Variants in RPRD1B observed in about 807,000 individuals in gnomAD.
RPRD1B encodes the protein regulation of nuclear pre-mRNA domain-containing protein 1B.
A neutral mutation model predicts 41.5 loss-of-function variants in RPRD1B; 11 were observed. The ratio of observed to expected loss-of-function variants is 0.27; its 90% CI spans 0.17 to 0.44. RPRD1B has a LOEUF of 0.44. Among genes scored for constraint, RPRD1B ranks in the 20% least tolerant of loss-of-function variants. The pLI, the probability that RPRD1B is intolerant of heterozygous loss-of-function variation, is 1.00. For synonymous variants in RPRD1B, 158 were observed against 155.6 expected (o/e 1.02, Z -0.12); for missense variants, 248 against 389.9 (o/e 0.64, Z 3.06).
chr20:38,085,464 A>G (rs554936350), intron 6 of RPRD1B: 93 of 152,372 alleles, frequency 6.1e-4, no homozygotes, highest in Middle Eastern at 3.4e-3. Context: ...TTGGTGTACT[A>G]AAGAGATTAT....
chr20:38,044,090 G>A lies in RPRD1B; in HGVS notation c.281+3526G>A, dbSNP rs183801172. Among the ~76,000 whole-genome samples the A allele has an allele frequency of 4.9e-3, 740 of 152,306 alleles. 4 individuals carry two copies. The highest frequency in any genetic ancestry group is 7.7e-3 in the Non-Finnish European group (526 of 68,032). The stretch of plus-strand genomic sequence containing the variant: ...ATCATGTAGTCATAGTCATGGCAGT[G>A]ATTCATTACAGCTAAAGGATCCAAA... On this transcript the variant is annotated intron_variant, in intron 2 of 6. Transcript: ENST00000373433.
intron 4 of RPRD1B, 135 bp downstream of exon 4, chr20:38,057,779 A>C (rs2074259327): frequency 3.3e-6 from 2 of 599,246 alleles, no homozygotes; most frequent in African/African-American, 3.7e-5. Flanking sequence ...CCCGTGCATC[A>C]TCCTGCCCAA....
At chr20:38,078,938 TG>T (rs2074489172) in intron 6 of RPRD1B, among the ~76,000 whole-genome samples, 2 of 152,266 alleles carry the variant, frequency 1.3e-5, no homozygotes, top group Non-Finnish European at 2.9e-5. Context: ...AAATGGTTTC[TG>T]GGAGAAAGGA....
rs574346558 is a variant in RPRD1B, at chr20:38,048,873, G to C, written c.415+392G>C. 1.1e-3 allele frequency among the ~76,000 whole-genome samples: 175 copies of C among 152,284 alleles called. 2 individuals carry two copies. The highest frequency in any genetic ancestry group is 2.7e-3 in the East Asian group (14 of 5,186). ...TTGGATAAGTTTCTTAGCTTTTTAA[G>C]AACTTGATTTAATTAAATGTAGATG... On this transcript the variant is annotated intron_variant, in intron 3 of 6. Transcript: ENST00000373433.
chr20:38,056,013 ATAG>A (rs2074236505), intron 3 of RPRD1B, among the ~76,000 whole-genome samples: 1 of 152,200 alleles, frequency 6.6e-6, no homozygotes, highest in Non-Finnish European at 1.5e-5. Flanking sequence ...TCTGTGTATA[ATAG>A]TATGCGCAAA....
rs765729180 is a variant in RPRD1B at position 38,040,424 on chromosome 20, C to T, written c.152-11C>T. On this transcript the variant is annotated splice_polypyrimidine_tract_variant and intron_variant, in intron 1 of 6. Transcript: ENST00000373433. ...GGTGTAAGTTAAATTCTTTTCTTTT[C>T]TTTTTTTCAGCCAAATCAAATAGAA... 6.4e-7 allele frequency: 1 copy of T among 1,572,394 alleles called. No individual in the cohort carries two copies. Among genetic ancestry groups the T allele is most frequent in the Non-Finnish European group, 8.6e-7 (1 of 1,164,598 alleles).
chr20:38,048,694 C>A, intron 3 of RPRD1B: 1 of 657,964 alleles, frequency 1.5e-6, no homozygotes, highest in Non-Finnish European at 1.9e-6. Context: ...CACACCCTGA[C>A]TTTTGCTCTC....
intron 6 of RPRD1B, among the ~76,000 whole-genome samples, chr20:38,076,746 G>GTC (rs1363526337): frequency 6.9e-6 from 1 of 145,246 alleles, no homozygotes; most frequent in Non-Finnish European, 1.5e-5. Flanking sequence ...TTTTGGCCCT[G>GTC]TCTGCAGCAT....
chr20:38,084,196 T>C (rs2074540121), intron 6 of RPRD1B, among the ~76,000 whole-genome samples: 1 of 152,122 alleles, frequency 6.6e-6, no homozygotes, highest in Non-Finnish European at 1.5e-5. Context: ...GGGCTTGGCT[T>C]TCTCAACCTC....
intron 6 of RPRD1B, among the ~76,000 whole-genome samples, chr20:38,088,478 G>C (rs2074582565): frequency 1.3e-5 from 2 of 152,230 alleles, no homozygotes; most frequent in African/African-American, 4.8e-5. Flanking sequence ...AGGGCTTCTT[G>C]TTACATTCCT....
At chr20:38,074,226 G>A (rs1046868948) in intron 6 of RPRD1B, among the ~76,000 whole-genome samples, 2 of 152,034 alleles carry the variant, frequency 1.3e-5, no homozygotes, top group South Asian at 2.1e-4. Flanking sequence ...TTGAGTTAAT[G>A]TGTGGGCTTC....
intron 2 of RPRD1B, among the ~76,000 whole-genome samples, chr20:38,041,681 T>C (rs182415588): frequency 6.6e-6 from 1 of 152,306 alleles, no homozygotes; most frequent in Non-Finnish European, 1.5e-5. Context: ...TGCTTAGAAA[T>C]TGATGGTAGC....
intron 6 of RPRD1B, among the ~76,000 whole-genome samples, chr20:38,072,156 T>C (rs1460508400): frequency 1.3e-5 from 2 of 152,212 alleles, no homozygotes; most frequent in Non-Finnish European, 2.9e-5. Flanking sequence ...ATGTCTTAAA[T>C]TTACGTTCTT....
intron 6 of RPRD1B, among the ~76,000 whole-genome samples, chr20:38,069,344 A>G (rs1187946320): frequency 3.9e-5 from 6 of 152,246 alleles, no homozygotes; most frequent in Non-Finnish European, 8.8e-5. Flanking sequence ...TTGATCGTAC[A>G]TAATGTAGAT....
chr20:38,066,056 A>G (rs540401697), intron 5 of RPRD1B, 25 bp from the exon 6 acceptor site: 2 of 1,608,124 alleles, frequency 1.2e-6, no homozygotes, highest in Non-Finnish European at 1.7e-6. Flanking sequence ...TATTTTCTCT[A>G]TTTTTTGGTC....
intron 5 of RPRD1B, 60 bp downstream of exon 5, chr20:38,059,580 A>G (rs1289332492): frequency 1.9e-6 from 3 of 1,539,908 alleles, no homozygotes; most frequent in Admixed American, 3.6e-5. Flanking sequence ...TAATGCAGTA[A>G]CCCTAGGCCA....
chr20:38,067,583 C>T (rs941825491), intron 6 of RPRD1B, among the ~76,000 whole-genome samples: 8 of 152,166 alleles, frequency 5.3e-5, no homozygotes, highest in Non-Finnish European at 1.5e-5. Context: ...CACTTTTTAC[C>T]GTATCCTTAC....
chr20:38,092,044 T>A lies in RPRD1B; in HGVS notation c.*2169T>A. ...CCTCCCAAAGTGTGCTTACTTCATT[T>A]GTTTAATTTAAATGAACTTTCCTCC... On this transcript the variant is annotated 3_prime_UTR_variant, in exon 7 of 7. Transcript: ENST00000373433. The A allele has an allele frequency of 1.0e-6, 1 of 985,874 alleles. No homozygotes were observed. The highest frequency in any genetic ancestry group is 1.2e-6 in the Non-Finnish European group (1 of 829,924). 61.1% of individuals were successfully genotyped at this position (985,874 alleles called of 1,614,324 possible). A position where few individuals can be genotyped will look rare whatever the true frequency, so the allele number is the denominator to read the frequency against.
chr20:38,054,835 C>T (rs2074223409), intron 3 of RPRD1B, among the ~76,000 whole-genome samples: 1 of 152,134 alleles, frequency 6.6e-6, no homozygotes, highest in Non-Finnish European at 1.5e-5. Flanking sequence ...GAAGTTTGTA[C>T]TTACCTTCTA....
Sources: gnomAD v4.1 joint callset for allele counts (sites outside exome capture counted in the v4.1 genomes callset) on GRCh38, gnomAD v4.1.1 for gene constraint, MANE v1.5 for transcripts, NCBI Gene and HGNC (gene_info 2026-07-23, HGNC 2026-07-21) for gene names.